Variants in TAB3 observed in about 807,000 individuals in gnomAD.
TAB3 encodes the protein TGF-beta-activated kinase 1 and MAP3K7-binding protein 3.
TAB3 carries 18 observed loss-of-function variants against 48.1 expected under a neutral mutation model. That is an observed-to-expected ratio of 0.37 (90% CI 0.26 to 0.55). The LOEUF (loss-of-function observed/expected upper bound fraction) is 0.55, where lower values mean the gene tolerates loss of function less well. Among genes scored for constraint, TAB3 ranks in the 20% least tolerant of loss-of-function variants. The pLI is 0.78. For synonymous variants in TAB3, 185 were observed against 190.2 expected (o/e 0.97, Z 0.22); for missense variants, 414 against 549.8 (o/e 0.75, Z 2.47).
chrX:30,876,280 T>G (rs773278587), intron 1 of TAB3, among the ~76,000 whole-genome samples: 2 of 111,896 alleles, frequency 1.8e-5, no homozygotes, highest in Non-Finnish European at 3.8e-5. Flanking sequence ...CATCCTTGGT[T>G]TCAAATGATT....
chrX:30,859,382 A>ACC, intron 5 of TAB3, 105 bp downstream of exon 5: 1 of 574,107 alleles, frequency 1.7e-6, no homozygotes, highest in Non-Finnish European at 2.9e-6. Flanking sequence ...ACACACACAC[A>ACC]CACACACACA....
intron 2 of TAB3, among the ~76,000 whole-genome samples, chrX:30,870,583 C>T (rs1239837152): frequency 8.9e-6 from 1 of 112,177 alleles, no homozygotes; most frequent in Non-Finnish European, 1.9e-5. Context: ...GAAGAGATGA[C>T]ATTTAAGCTG....
chrX:30,832,028 C>A (rs1938046814), intron 10 of TAB3, among the ~76,000 whole-genome samples: 1 of 112,022 alleles, frequency 8.9e-6, no homozygotes, highest in African/African-American at 3.2e-5. Flanking sequence ...TCTTCCATGA[C>A]AACTTAAGCT....
At chrX:30,859,360 CCA>C (rs137921689) in intron 5 of TAB3, 125 bp downstream of exon 5, 11,118 of 377,019 alleles carry the variant, frequency 0.029, 264 homozygotes, top group African/African-American at 0.15. Context: ...AAATCCTGCT[CCA>C]CACACACACA....
chrX:30,839,348 A>C (rs1938340022), intron 9 of TAB3, among the ~76,000 whole-genome samples: 1 of 112,097 alleles, frequency 8.9e-6, no homozygotes, highest in Non-Finnish European at 1.9e-5. Flanking sequence ...AGCTAAACTC[A>C]ACTTGGTCAT....
intron 7 of TAB3, among the ~76,000 whole-genome samples, chrX:30,848,624 A>G (rs1004410037): frequency 9.0e-6 from 1 of 111,708 alleles, no homozygotes; most frequent in Non-Finnish European, 1.9e-5. Flanking sequence ...GTCCTTTTTC[A>G]TATGGCTTCT....
Position 30,831,505 on chromosome X carries a change from C to T in TAB3, c.2061G>A (p.Trp687Ter). ...PRDEDYEGAP[W>*]NCDSCTFLNH... ...TAAGAAAGGTGCAGCTATCACAATT[C>T]CATGGAGCCCCTTCGTAGTCTTCAT... The change falls in exon 11 of 11, where the codon TGG (tryptophan) becomes TGA (stop). Residue 687 changes from tryptophan (W) to a stop codon, truncating the protein, a stop_gained. Coordinates refer to ENST00000288422, the MANE Select transcript of TAB3 (RefSeq NM_152787.5). LOFTEE classifies it high-confidence loss of function. 1 of 1,211,065 alleles carries T rather than the reference C, an allele frequency of 8.3e-7. No homozygotes were observed. The highest frequency in any genetic ancestry group is 1.1e-6 in the Non-Finnish European group (1 of 895,272).
At chrX:30,861,243 G>C (rs1018604268) in intron 4 of TAB3, among the ~76,000 whole-genome samples, 1 of 111,699 alleles carries the variant, frequency 9.0e-6, no homozygotes, top group African/African-American at 3.3e-5. Flanking sequence ...GTTAAATGAT[G>C]AATCAATTTC....
At chrX:30,864,646 A>C (rs1460733787) in intron 4 of TAB3, among the ~76,000 whole-genome samples, 1 of 112,151 alleles carries the variant, frequency 8.9e-6, no homozygotes, top group Non-Finnish European at 1.9e-5. Flanking sequence ...GCAAATAAAC[A>C]GGGTGGTGCC....
rs192219993 is a variant in TAB3, at chrX:30,871,505, C to G, written c.-280+194G>C. Among the ~76,000 whole-genome samples the G allele has an allele frequency of 5.4e-5, 6 of 111,913 alleles. No homozygotes were observed. In the East Asian group the frequency reaches 8.4e-4, roughly 16 times the overall value. ...ACTCCCACTAGCAGTAGTAGTAGTA[C>G]TAGTACTAGTAGTAGCAGTAGCAGC... On this transcript the variant is annotated intron_variant, in intron 2 of 10. Transcript: ENST00000288422.
chrX:30,843,298 T>C, intron 8 of TAB3: 1 of 216,601 alleles, frequency 4.6e-6, no homozygotes, highest in Non-Finnish European at 8.2e-6. Flanking sequence ...TTTTTCTAAT[T>C]GTAAGGCTAG....
chrX:30,834,930 T>G, intron 9 of TAB3: 1 of 114,133 alleles, frequency 8.8e-6, no homozygotes. Flanking sequence ...CTGTGTCTGG[T>G]GGATTTTTTA....
chrX:30,828,250 C>G lies in TAB3; in HGVS notation c.*3177G>C, dbSNP rs776826370. ...TTGCCACAGAAGGTTGGATATGAACCCTAGACAACTGTGACAAAGCAATGA... is the reference window on the plus strand; with the variant it reads ...TTGCCACAGAAGGTTGGATATGAACGCTAGACAACTGTGACAAAGCAATGA... On this transcript the variant is annotated 3_prime_UTR_variant, in exon 11 of 11. Coordinates refer to ENST00000288422, the MANE Select transcript of TAB3 (RefSeq NM_152787.5). The G allele has an allele frequency of 2.7e-5, 3 of 113,160 alleles. No individual in the cohort carries two copies. The South Asian group carries it at 1.1e-3, about 42-fold the overall frequency. 9.3% of individuals were successfully genotyped at this position (113,160 alleles called of 1,213,427 possible).
intron 10 of TAB3, among the ~76,000 whole-genome samples, chrX:30,833,122 C>A (rs1036709536): frequency 1.3e-4 from 14 of 108,781 alleles, no homozygotes; most frequent in African/African-American, 4.4e-4. Context: ...AGGCGCCTGC[C>A]ACCGCACCCG....
intron 1 of TAB3, among the ~76,000 whole-genome samples, chrX:30,874,698 T>C (rs1010856443): frequency 9.8e-5 from 11 of 111,826 alleles, no homozygotes; most frequent in Admixed American, 8.5e-4. Flanking sequence ...ACTAGAAGTA[T>C]AGGAGCATTG....
intron 4 of TAB3, among the ~76,000 whole-genome samples, chrX:30,865,397 G>C (rs780443528): frequency 8.9e-6 from 1 of 112,331 alleles, no homozygotes; most frequent in South Asian, 3.7e-4. Context: ...TTTCTGGTTG[G>C]TCTGGTCCAG....
rs182265264 is a variant in TAB3, at chrX:30,828,626, G to T, written c.*2801C>A. 7.1e-5 allele frequency: 8 copies of T among 112,171 alleles called. No individual in the cohort carries two copies. The highest frequency in any genetic ancestry group is 9.5e-5 in the Admixed American group (1 of 10,545). 9.2% of individuals were successfully genotyped at this position (112,171 alleles called of 1,213,427 possible). On this transcript the variant is annotated 3_prime_UTR_variant, in exon 11 of 11. Coordinates refer to ENST00000288422, the MANE Select transcript of TAB3 (RefSeq NM_152787.5). Reference sequence around the variant, plus strand: ...AATGTACTTTAACAAAATGGCAAACGTGCTTTCTAAAATCCCAGTTTACAA... The same window carrying T: ...AATGTACTTTAACAAAATGGCAAACTTGCTTTCTAAAATCCCAGTTTACAA...
chrX:30,868,772 C>T (rs1939580203), intron 2 of TAB3, among the ~76,000 whole-genome samples: 1 of 105,211 alleles, frequency 9.5e-6, no homozygotes, highest in African/African-American at 3.5e-5. Context: ...CATATATTGG[C>T]TTTTATCAGA....
chrX:30,863,001 TATAA>T (rs200342812), intron 4 of TAB3, among the ~76,000 whole-genome samples: 1,419 of 112,800 alleles, frequency 0.013, 17 homozygotes, highest in African/African-American at 0.04. Context: ...AAAAAATGGT[TATAA>T]ATACTTTCCT....
Sources: allele counts gnomAD v4.1 joint callset (sites outside exome capture counted in the v4.1 genomes callset), GRCh38; gene constraint gnomAD v4.1.1; transcripts MANE v1.5; gene names NCBI Gene and HGNC (gene_info 2026-07-23, HGNC 2026-07-21).